THSD4: variants seen among roughly 807,000 people sequenced by gnomAD.
THSD4 encodes the protein thrombospondin type-1 domain-containing protein 4.
A neutral mutation model predicts 119.0 loss-of-function variants in THSD4; 69 were observed. The observed-to-expected ratio is 0.58, with a 90% CI of 0.48 to 0.71. The LOEUF (loss-of-function observed/expected upper bound fraction) is 0.71, where lower values mean the gene tolerates loss of function less well. Ranked by LOEUF, THSD4 falls within the 30% of genes least tolerant of loss-of-function variation. THSD4 has a pLI of 0.00. For synonymous variants in THSD4, 524 were observed against 540.4 expected, an observed-to-expected ratio of 0.97 and a Z score of 0.42; for missense variants, 1,393 against 1,391.1, an observed-to-expected ratio of 1.00 and a Z score of -0.02.
At chr15:71,521,529 T>G (rs1439799864) in intron 7 of THSD4, among the ~76,000 whole-genome samples, 4 of 152,212 alleles carry the variant, frequency 2.6e-5, no homozygotes, top group Non-Finnish European at 5.9e-5. Flanking sequence ...TACTTTTTAA[T>G]CACTTGTCTA....
At chr15:71,563,450 C>T (rs946584792) in intron 7 of THSD4, among the ~76,000 whole-genome samples, 1 of 152,174 alleles carries the variant, frequency 6.6e-6, no homozygotes, top group African/African-American at 2.4e-5. Flanking sequence ...CGTGTAAGCA[C>T]TTCGGGATAG....
At chr15:71,470,721 C>T (rs1004160234) in intron 7 of THSD4, among the ~76,000 whole-genome samples, 2 of 151,894 alleles carry the variant, frequency 1.3e-5, no homozygotes, top group African/African-American at 2.4e-5. Flanking sequence ...CTGCAAGCTC[C>T]GCTTCCCGGG....
chr15:71,750,443 A>G (rs1290692856), intron 14 of THSD4, among the ~76,000 whole-genome samples: 1 of 152,194 alleles, frequency 6.6e-6, no homozygotes, highest in Non-Finnish European at 1.5e-5. Context: ...CTCTATCACC[A>G]TAACAATCCA....
chr15:71,444,756 C>A (rs989115772), intron 7 of THSD4, among the ~76,000 whole-genome samples: 2 of 152,230 alleles, frequency 1.3e-5, no homozygotes, highest in Admixed American at 1.3e-4. Flanking sequence ...TTCTTGAAGT[C>A]TCAGAAGAGC....
At chr15:71,637,552 C>G (rs1462546814) in intron 7 of THSD4, among the ~76,000 whole-genome samples, 2 of 152,090 alleles carry the variant, frequency 1.3e-5, no homozygotes, top group East Asian at 3.9e-4. Context: ...TGCCAGTAAC[C>G]TGGTGAGGGT....
At chr15:71,189,748 CT>C (rs1177151182) in intron 3 of THSD4, among the ~76,000 whole-genome samples, 1 of 151,758 alleles carries the variant, frequency 6.6e-6, no homozygotes, top group Non-Finnish European at 1.5e-5. Flanking sequence ...GCTTAAGAAT[CT>C]GTGCATTGTT....
At chr15:71,723,157 C>A (rs2052756006) in intron 8 of THSD4, among the ~76,000 whole-genome samples, 1 of 151,554 alleles carries the variant, frequency 6.6e-6, no homozygotes, top group South Asian at 2.1e-4. Flanking sequence ...GTATATCTCT[C>A]AAGTAGTTTC....
At chr15:71,363,867 C>T (rs1026950246) in intron 6 of THSD4, among the ~76,000 whole-genome samples, 18 of 152,142 alleles carry the variant, frequency 1.2e-4, no homozygotes, top group African/African-American at 1.7e-4. Context: ...TAATGAAAGG[C>T]GCAGACGTAT....
At chr15:71,258,686 A>C (rs2044352234) in intron 6 of THSD4, among the ~76,000 whole-genome samples, 1 of 152,194 alleles carries the variant, frequency 6.6e-6, no homozygotes, top group African/African-American at 2.4e-5. Context: ...ATGGGTGAGG[A>C]AGAGTGCACT....
At chr15:71,141,275 G>A (rs2040601262) in intron 1 of THSD4, among the ~76,000 whole-genome samples, 174 bp from the exon 2 acceptor site, 1 of 152,174 alleles carries the variant, frequency 6.6e-6, no homozygotes. Context: ...TTGTAAACTT[G>A]TTACCTCATG....
At chr15:71,426,305 C>G (rs1297178396) in intron 7 of THSD4, among the ~76,000 whole-genome samples, 1 of 151,712 alleles carries the variant, frequency 6.6e-6, no homozygotes, top group African/African-American at 2.4e-5. Flanking sequence ...AAGCTGTAAA[C>G]CAATGTGTTG....
chr15:71,532,195 C>T (rs1226407263), intron 7 of THSD4, among the ~76,000 whole-genome samples: 1 of 151,492 alleles, frequency 6.6e-6, no homozygotes, highest in East Asian at 1.9e-4. Context: ...AGAGACATGA[C>T]CCAGAAGGGT....
intron 7 of THSD4, among the ~76,000 whole-genome samples, chr15:71,643,668 A>T (rs1187807343): frequency 6.6e-6 from 1 of 152,212 alleles, no homozygotes; most frequent in East Asian, 1.9e-4. Context: ...TTAATTTCTA[A>T]TTAAAACATT....
chr15:71,124,151 A>G (rs1043176928), intron 1 of THSD4, among the ~76,000 whole-genome samples: 3 of 152,170 alleles, frequency 2.0e-5, no homozygotes, highest in Admixed American at 1.3e-4. Context: ...TTTTCTTGGA[A>G]AGGGCCAAAC....
intron 6 of THSD4, among the ~76,000 whole-genome samples, chr15:71,407,490 C>T (rs1195341915): frequency 6.6e-6 from 1 of 152,080 alleles, no homozygotes; most frequent in African/African-American, 2.4e-5. Context: ...TCCAAGGAAA[C>T]AAAATTCAAG....
intron 7 of THSD4, among the ~76,000 whole-genome samples, chr15:71,505,748 A>G (rs796502225): frequency 8.3e-4 from 126 of 152,354 alleles, no homozygotes; most frequent in African/African-American, 2.6e-3. Flanking sequence ...TGATCTTGCA[A>G]CAGGAAAGTC....
intron 8 of THSD4, among the ~76,000 whole-genome samples, chr15:71,664,140 A>G (rs1309921714): frequency 6.6e-6 from 1 of 151,290 alleles, no homozygotes. Context: ...TCACCACCAT[A>G]CCCGGCTAAT....
chr15:71,237,134 T>G (rs1037232296), intron 4 of THSD4, among the ~76,000 whole-genome samples: 1 of 152,084 alleles, frequency 6.6e-6, no homozygotes, highest in Admixed American at 6.5e-5. Flanking sequence ...GTTGAGTGGG[T>G]AAGCCAAGGA....
intron 3 of THSD4, among the ~76,000 whole-genome samples, chr15:71,190,904 C>T (rs537032996): frequency 2.0e-5 from 3 of 152,268 alleles, no homozygotes; most frequent in Non-Finnish European, 4.4e-5. Context: ...CCTCTCTGCT[C>T]AGTGCCAGCC....
Sources: allele counts gnomAD v4.1 joint callset (sites outside exome capture counted in the v4.1 genomes callset), GRCh38; gene constraint gnomAD v4.1.1; transcripts MANE v1.5; gene names NCBI Gene and HGNC (gene_info 2026-07-23, HGNC 2026-07-21).